CTNNA3: variants seen among roughly 807,000 people sequenced by gnomAD.
The protein encoded by CTNNA3 is catenin alpha 3, also known as catenin alpha-3.
A neutral mutation model predicts 95.7 loss-of-function variants in CTNNA3; 76 were observed. The observed-to-expected ratio is 0.79, with a 90% CI of 0.66 to 0.96. CTNNA3 has a LOEUF of 0.96. Among genes scored for constraint, CTNNA3 ranks in the 40% least tolerant of loss-of-function variants. The probability of loss-of-function intolerance (pLI) is 0.00; values close to 1 mark genes in which losing one functional copy is unlikely to be tolerated. For missense variants in CTNNA3, 1,191 were observed against 1,089.8 expected (o/e 1.09, Z -1.31); for synonymous variants, 431 against 374.4 (o/e 1.15, Z -1.74).
At chr10:67,365,271 C>T (rs902561740) in intron 5 of CTNNA3, among the ~76,000 whole-genome samples, 1 of 152,048 alleles carries the variant, frequency 6.6e-6, no homozygotes, top group African/African-American at 2.4e-5. Flanking sequence ...CCATAAAAAC[C>T]CTAGAAGAAA....
chr10:66,974,567 T>C (rs1849920002), intron 7 of CTNNA3, among the ~76,000 whole-genome samples: 1 of 152,236 alleles, frequency 6.6e-6, no homozygotes, highest in Non-Finnish European at 1.5e-5. Context: ...GCTTACCTTT[T>C]TAAAGAATCT....
chr10:66,976,398 G>C (rs991319168), intron 7 of CTNNA3, among the ~76,000 whole-genome samples: 1 of 152,028 alleles, frequency 6.6e-6, no homozygotes, highest in Non-Finnish European at 1.5e-5. Context: ...ACATCCTCTC[G>C]ACTCTGGAAC....
chr10:67,655,328 T>C (rs1839990929), intron 1 of CTNNA3, among the ~76,000 whole-genome samples: 1 of 152,234 alleles, frequency 6.6e-6, no homozygotes, highest in Non-Finnish European at 1.5e-5. Context: ...AAAAGAGAAA[T>C]ATTTGTATTA....
intron 7 of CTNNA3, among the ~76,000 whole-genome samples, chr10:66,861,190 T>C (rs1843908104): frequency 6.6e-6 from 1 of 152,192 alleles, no homozygotes; most frequent in Non-Finnish European, 1.5e-5. Flanking sequence ...GAACTTGCAT[T>C]AAAAACAACA....
At chr10:66,890,833 G>A (rs1845240789) in intron 7 of CTNNA3, among the ~76,000 whole-genome samples, 2 of 152,090 alleles carry the variant, frequency 1.3e-5, no homozygotes, top group Admixed American at 6.6e-5. Context: ...ATGCAGGGAC[G>A]ATGCCACCAC....
chr10:66,074,612 G>T (rs1405607020), intron 14 of CTNNA3, among the ~76,000 whole-genome samples: 2 of 151,760 alleles, frequency 1.3e-5, no homozygotes, highest in African/African-American at 4.8e-5. Context: ...TATAGTATAT[G>T]CCCCTTTCTC....
chr10:66,100,197 T>TCCTA lies in CTNNA3; in HGVS notation c.1977+2956_1977+2959dup, dbSNP rs574752487. Among the ~76,000 whole-genome samples, 333 of 152,250 alleles carry TCCTA rather than the reference T, an allele frequency of 2.2e-3. 3 individuals carry two copies. Among genetic ancestry groups the TCCTA allele is most frequent in the African/African-American group, 7.4e-3 (308 of 41,568 alleles). ...CAGTATCAACATGGTTACTACTTGA[T>TCCTA]CCTACTGGGGACCCTTTCAGGTTCT... On this transcript the variant is annotated intron_variant, in intron 14 of 17. Coordinates refer to ENST00000433211, the MANE Select transcript of CTNNA3 (RefSeq NM_013266.4).
intron 2 of CTNNA3, among the ~76,000 whole-genome samples, chr10:67,627,656 C>T (rs962870038): frequency 6.6e-6 from 1 of 152,046 alleles, no homozygotes; most frequent in Non-Finnish European, 1.5e-5. Flanking sequence ...ATAATTTTGA[C>T]ATCTTGTTCT....
At chr10:67,309,812 T>C (rs1024842986) in intron 5 of CTNNA3, among the ~76,000 whole-genome samples, 1 of 152,144 alleles carries the variant, frequency 6.6e-6, no homozygotes, top group Non-Finnish European at 1.5e-5. Context: ...AATCATACCA[T>C]TGCCGGCCAA....
At chr10:66,594,431 G>A (rs751794876) in intron 10 of CTNNA3, among the ~76,000 whole-genome samples, 9 of 152,024 alleles carry the variant, frequency 5.9e-5, no homozygotes, top group Non-Finnish European at 1.3e-4. Flanking sequence ...TTTTACTGCA[G>A]TACCCTTAGA....
chr10:65,995,268 G>A, intron 15 of CTNNA3, among the ~76,000 whole-genome samples: 1 of 152,016 alleles, frequency 6.6e-6, no homozygotes, highest in East Asian at 1.9e-4. Context: ...CTTTGCATAT[G>A]GTGTAAGTCA....
intron 13 of CTNNA3, among the ~76,000 whole-genome samples, chr10:66,229,136 G>T (rs1055006253): frequency 6.6e-6 from 1 of 152,104 alleles, no homozygotes; most frequent in African/African-American, 2.4e-5. Flanking sequence ...ATTTACCAAA[G>T]ATTTTATTGA....
At chr10:67,306,161 CA>C (rs1231273227) in intron 5 of CTNNA3, among the ~76,000 whole-genome samples, 3 of 151,882 alleles carry the variant, frequency 2.0e-5, no homozygotes, top group East Asian at 1.9e-4. Flanking sequence ...GAACTGATAG[CA>C]AAAAAAAAAT....
In CTNNA3 at chr10:67,683,084, A is replaced by T. The variant is rs145185333; in HGVS notation, c.-6+12916T>A. Reference sequence around the variant, plus strand: ...AGAATACATGGATATTGCATAGGCAACCAACAGTGTCTATCACAGACTATT... The same window carrying T: ...AGAATACATGGATATTGCATAGGCATCCAACAGTGTCTATCACAGACTATT... On this transcript the variant is annotated intron_variant, in intron 1 of 17. Coordinates refer to ENST00000433211, the MANE Select transcript of CTNNA3 (RefSeq NM_013266.4). Among the ~76,000 whole-genome samples, 91 of 152,340 alleles carry T rather than the reference A, an allele frequency of 6.0e-4. 2 individuals are homozygous for T. The highest frequency in any genetic ancestry group is 2.1e-3 in the African/African-American group (87 of 41,574).
intron 7 of CTNNA3, among the ~76,000 whole-genome samples, chr10:67,031,326 A>T (rs922503357): frequency 3.3e-5 from 5 of 152,204 alleles, no homozygotes; most frequent in African/African-American, 1.2e-4. Context: ...AAAAAATGCA[A>T]GAAGTCAAGT....
intron 16 of CTNNA3, among the ~76,000 whole-genome samples, chr10:65,968,889 T>A (rs1470000557): frequency 6.6e-6 from 1 of 152,176 alleles, no homozygotes; most frequent in Non-Finnish European, 1.5e-5. Context: ...GCACCGGTGC[T>A]CATGCCTGCC....
At chr10:66,468,514 A>C (rs143005203) in intron 11 of CTNNA3, among the ~76,000 whole-genome samples, 128 of 152,086 alleles carry the variant, frequency 8.4e-4, no homozygotes, top group African/African-American at 3.0e-3. Context: ...AGTTTCATTT[A>C]GGTAGCATAA....
intron 11 of CTNNA3, among the ~76,000 whole-genome samples, chr10:66,437,199 G>T (rs1352178555): frequency 6.6e-6 from 1 of 152,032 alleles, no homozygotes; most frequent in Non-Finnish European, 1.5e-5. Context: ...TATCTTTGTG[G>T]TGTTCTCTGT....
chr10:67,302,081 AAG>A (rs553911953), intron 5 of CTNNA3, among the ~76,000 whole-genome samples: 1 of 126,678 alleles, frequency 7.9e-6, no homozygotes, highest in African/African-American at 2.7e-5. Flanking sequence ...GAAAGAAAGA[AAG>A]AAAGAAAGAA....
Sources: gnomAD v4.1 joint callset for allele counts (sites outside exome capture counted in the v4.1 genomes callset) on GRCh38, gnomAD v4.1.1 for gene constraint, MANE v1.5 for transcripts, NCBI Gene and HGNC (gene_info 2026-07-23, HGNC 2026-07-21) for gene names.